CPEB2: variants seen among roughly 807,000 people sequenced by gnomAD.
The protein encoded by CPEB2 is cytoplasmic polyadenylation element binding protein 2, also known as cytoplasmic polyadenylation element-binding protein 2.
In CPEB2, 56 loss-of-function variants were observed where a neutral mutation model predicts 93.6. The observed-to-expected ratio is 0.60, with a 90% CI of 0.48 to 0.75. CPEB2 has a LOEUF of 0.75. CPEB2 is among the 30% of genes least tolerant of loss of function. CPEB2 has a pLI of 0.00. For missense variants in CPEB2, 1,579 were observed against 1,395.1 expected, an observed-to-expected ratio of 1.13 and a Z score of -2.10; for synonymous variants, 764 against 586.3, an observed-to-expected ratio of 1.30 and a Z score of -4.38.
At chr4:15,049,464 C>T (rs147043785) in intron 6 of CPEB2, among the ~76,000 whole-genome samples, 3 of 151,774 alleles carry the variant, frequency 2.0e-5, no homozygotes. Context: ...TCCTTAAAAT[C>T]GTTTGTATGT....
chr4:15,041,058 T>C (rs1727134510), intron 6 of CPEB2, among the ~76,000 whole-genome samples: 1 of 152,010 alleles, frequency 6.6e-6, no homozygotes, highest in Non-Finnish European at 1.5e-5. Flanking sequence ...CCCCTTTCCT[T>C]TTTCCTTTCC....
chr4:15,066,564 A>C lies in CPEB2; in HGVS notation c.*184A>C. On this transcript the variant is annotated 3_prime_UTR_variant, in exon 12 of 12. Coordinates refer to ENST00000538197, the MANE Select transcript of CPEB2 (RefSeq NM_001177382.2). ...CTCTTGTTTTTCACCAAAACCCTAC[A>C]TCTCAGGCTTACTAATTTTTGTGAT... 1.9e-6 allele frequency: 1 copy of C among 537,482 alleles called. No individual in the cohort carries two copies. 33.3% of individuals were successfully genotyped at this position (537,482 alleles called of 1,614,324 possible). A position where few individuals can be genotyped will look rare whatever the true frequency, so the allele number is the denominator to read the frequency against.
At chr4:15,039,053 T>C (rs891996743) in intron 5 of CPEB2, among the ~76,000 whole-genome samples, 1 of 152,200 alleles carries the variant, frequency 6.6e-6, no homozygotes, top group African/African-American at 2.4e-5. Context: ...GGAGAAATAA[T>C]ATATAGGTCA....
At position 15,054,116 on chromosome 4, in the gene CPEB2, T is replaced by C; in HGVS notation, c.2372-12T>C. 1.3e-6 allele frequency: 2 copies of C among 1,577,216 alleles called. No homozygotes were observed. The highest frequency in any genetic ancestry group is 1.7e-4 in the Middle Eastern group (1 of 5,838). On this transcript the variant is annotated splice_polypyrimidine_tract_variant and intron_variant, in intron 7 of 11. Transcript: ENST00000538197. ...AACTAATTTCTAATGTGTATTATTG[T>C]ACTTTCTTAAGATGAAATAACTGCT...
chr4:15,039,662 T>C (rs1332844123), intron 5 of CPEB2, among the ~76,000 whole-genome samples: 2 of 152,070 alleles, frequency 1.3e-5, no homozygotes, highest in Admixed American at 6.5e-5. Flanking sequence ...GAAATTACAG[T>C]CTTTTTTTTT....
At chr4:15,007,280 A>G (rs1722942621) in intron 1 of CPEB2, 25 bp from the exon 2 acceptor site, 1 of 1,411,084 alleles carries the variant, frequency 7.1e-7, no homozygotes, top group Non-Finnish European at 9.3e-7. Flanking sequence ...AAATGCCGCA[A>G]TTTAAATAGC....
Position 15,058,506 on chromosome 4 carries a change from G to T in CPEB2, c.2547G>T (p.Leu849=), listed in dbSNP as rs1176788160. The T allele has an allele frequency of 6.2e-7, 1 of 1,609,404 alleles. No homozygotes were observed. Among genetic ancestry groups the T allele is most frequent in the Non-Finnish European group, 8.5e-7 (1 of 1,176,054 alleles). Residue 849 remains leucine, a synonymous_variant, in exon 9 of 12, where the codon CTG becomes CTT. Coordinates refer to ENST00000538197, the MANE Select transcript of CPEB2 (RefSeq NM_001177382.2). ...TTGAAGAAGATGGAAAACTCTATCT[G>T]TGTGTTTCTAGCCCTACTATCAAGG... ...ACIEEDGKLY[L]CVSSPTIKDK...
intron 4 of CPEB2, among the ~76,000 whole-genome samples, chr4:15,022,736 G>A (rs937603927): frequency 2.6e-5 from 4 of 151,778 alleles, no homozygotes; most frequent in Admixed American, 1.3e-4. Flanking sequence ...CTCTTATAAC[G>A]TACATGGAAT....
At chr4:15,045,065 T>C (rs570144761) in intron 6 of CPEB2, among the ~76,000 whole-genome samples, 1 of 152,208 alleles carries the variant, frequency 6.6e-6, no homozygotes, top group African/African-American at 2.4e-5. Context: ...TACCTTAATA[T>C]GGCCTTTGGA....
intron 3 of CPEB2, among the ~76,000 whole-genome samples, chr4:15,016,724 A>G (rs1047009164): frequency 2.0e-5 from 3 of 152,024 alleles, no homozygotes; most frequent in Admixed American, 6.6e-5. Context: ...ACTATGTCAG[A>G]TAACAAAATG....
intron 2 of CPEB2, 103 bp downstream of exon 2, chr4:15,007,689 TAA>T (rs1356737017): frequency 1.2e-5 from 8 of 662,932 alleles, no homozygotes; most frequent in Non-Finnish European, 1.8e-5. Flanking sequence ...TTTTTTGAAA[TAA>T]AGTTTTAATT....
In CPEB2 at chr4:15,068,710, A is replaced by C. The variant is rs1254559124; in HGVS notation, c.*2330A>C. The C allele has an allele frequency of 2.0e-5, 3 of 152,320 alleles. No individual in the cohort carries two copies. Among genetic ancestry groups the C allele is most frequent in the East Asian group, 1.9e-4 (1 of 5,178 alleles). The allele number at this position is 152,320 out of a possible 1,614,324, so 9.4% of individuals were successfully genotyped here. Reference sequence around the variant, plus strand: ...ATAATGAACACAAATTATATAATTAAAATAATTGGAGATGTTGAAAATCAT... The same window carrying C: ...ATAATGAACACAAATTATATAATTACAATAATTGGAGATGTTGAAAATCAT... On this transcript the variant is annotated 3_prime_UTR_variant, in exon 12 of 12. Transcript: ENST00000538197.
chr4:15,002,567 A>T lies in CPEB2; in HGVS notation c.-107A>T. The T allele has an allele frequency of 1.1e-6, 1 of 908,908 alleles. No individual in the cohort carries two copies. The highest frequency in any genetic ancestry group is 1.6e-6 in the Non-Finnish European group (1 of 636,264). 56.3% of individuals were successfully genotyped at this position (908,908 alleles called of 1,614,324 possible). A position where few individuals can be genotyped will look rare whatever the true frequency, so the allele number is the denominator to read the frequency against. On this transcript the variant is annotated 5_prime_UTR_variant, in exon 1 of 12. Coordinates refer to ENST00000538197, the MANE Select transcript of CPEB2 (RefSeq NM_001177382.2). ...GGCTCAGTCACGGTGTCCCTCTCTC[A>T]CTGACTCCCCCTCCTTCCACCACGG...
At chr4:15,060,168 G>A (rs1729060609) in intron 10 of CPEB2, among the ~76,000 whole-genome samples, 1 of 152,110 alleles carries the variant, frequency 6.6e-6, no homozygotes, top group Admixed American at 6.6e-5. Context: ...CTTGAGTGGA[G>A]GGAAACAGGG....
At chr4:15,027,461 T>C (rs1490492019) in intron 4 of CPEB2, among the ~76,000 whole-genome samples, 1 of 152,180 alleles carries the variant, frequency 6.6e-6, no homozygotes, top group African/African-American at 2.4e-5. Context: ...AGGCATGCAT[T>C]GAAATTTGGG....
chr4:15,065,685 G>A (rs914279889), intron 11 of CPEB2, among the ~76,000 whole-genome samples: 1 of 152,064 alleles, frequency 6.6e-6, no homozygotes, highest in Admixed American at 6.6e-5. Context: ...CATGCCCTTT[G>A]TAAGATTCTC....
intron 3 of CPEB2, among the ~76,000 whole-genome samples, chr4:15,016,106 A>G (rs900213138): frequency 1.3e-5 from 2 of 151,948 alleles, no homozygotes; most frequent in Non-Finnish European, 2.9e-5. Context: ...TTTGATTTCT[A>G]TGGGGGCTTT....
intron 3 of CPEB2, among the ~76,000 whole-genome samples, chr4:15,011,873 A>G (rs141684992): frequency 1.3e-5 from 2 of 152,172 alleles, no homozygotes; most frequent in Admixed American, 6.5e-5. Context: ...TCAACTCTCA[A>G]TTTTTGCTCT....
chr4:15,005,141 C>A (rs1218246779), intron 1 of CPEB2: 1 of 152,260 alleles, frequency 6.6e-6, no homozygotes, highest in Non-Finnish European at 1.5e-5. Context: ...GGGGCCGCCT[C>A]CTTGGCTGTC....
Sources: gnomAD v4.1 joint callset for allele counts (sites outside exome capture counted in the v4.1 genomes callset) on GRCh38, gnomAD v4.1.1 for gene constraint, MANE v1.5 for transcripts, NCBI Gene and HGNC (gene_info 2026-07-23, HGNC 2026-07-21) for gene names.